The following CMTM1 variants were observed in gnomAD, a reference collection of about 807,000 sequenced individuals.
CMTM1 encodes the protein CKLF-like MARVEL transmembrane domain-containing protein 1.
Under a neutral mutation model 17.8 loss-of-function variants are expected in CMTM1, and 16 were observed. That is an observed-to-expected ratio of 0.90 (90% CI 0.61 to 1.37). CMTM1 has a LOEUF of 1.37. CMTM1 is among the 40% of genes most tolerant of loss of function. CMTM1 has a pLI of 0.00. For synonymous variants in CMTM1, 169 were observed against 154.6 expected (o/e 1.09, Z -0.69); for missense variants, 354 against 375.6 (o/e 0.94, Z 0.47).
In CMTM1 at chr16:66,579,003, G is replaced by GC; in HGVS notation, c.*4dup. 1 of 1,612,464 alleles carries GC rather than the reference G, an allele frequency of 6.2e-7. No homozygotes were observed. The highest frequency in any genetic ancestry group is 8.5e-7 in the Non-Finnish European group (1 of 1,179,680). On this transcript the variant is annotated 3_prime_UTR_variant, in exon 4 of 4. Transcript: ENST00000379500. This position sits in a 1 kb window ranked among gnomAD's most constrained non-coding sequence, Gnocchi z 6.5. ...GACGCCCCGCAGAGGCCCGCCTGAAGCCAGCCCGGCGCCCTAGCAGATGCA... is the reference window on the plus strand; with the variant it reads ...GACGCCCCGCAGAGGCCCGCCTGAAGCCCAGCCCGGCGCCCTAGCAGATGCA...
intron 2 of CMTM1, 28 bp downstream of exon 2, chr16:66,570,122 A>C: frequency 1.3e-6 from 2 of 1,563,476 alleles, no homozygotes; most frequent in African/African-American, 1.4e-5. Flanking sequence ...CAATTCTTCA[A>C]ATCCAAGCTT....
Position 66,566,694 on chromosome 16 carries a change from G to C in CMTM1, c.181G>C (p.Ala61Pro). 1.2e-6 allele frequency: 2 copies of C among 1,613,894 alleles called. No homozygotes were observed. The highest frequency in any genetic ancestry group is 1.7e-6 in the Non-Finnish European group (2 of 1,179,898). Residue 61 changes from alanine (A) to proline (P), a missense_variant, in exon 1 of 4, where the codon GCG (alanine) becomes CCG (proline). Ala to Pro is a conservative substitution (Grantham distance 27). Transcript: ENST00000379500. The surrounding 1 kb of genome is among the most constrained non-coding windows in gnomAD (Gnocchi z 4.9). ...RKHPAVSIRSAQSAAAARPQG... is the reference protein window; with the variant it reads ...RKHPAVSIRSPQSAAAARPQG... ...GCACCCCGCAGTCTCAATTCGCAGT[G>C]CGCAGTCCGCAGCCGCCGCACGTCC...
In CMTM1 at chr16:66,566,648, A is replaced by T; in HGVS notation, c.135A>T (p.Ser45=). ...SSVPKAQRNI[S]AKTAPRKHPA... Reference sequence around the variant, plus strand: ...TACCCAAGGCACAGCGCAACATCTCAGCGAAGACCGCACCCCGGAAGCACC... The same window carrying T: ...TACCCAAGGCACAGCGCAACATCTCTGCGAAGACCGCACCCCGGAAGCACC... Residue 45 remains serine, a synonymous_variant, in exon 1 of 4, where the codon TCA becomes TCT. Transcript: ENST00000379500. This position sits in a 1 kb window ranked among gnomAD's most constrained non-coding sequence, Gnocchi z 4.9. 1 of 1,609,156 alleles carries T rather than the reference A, an allele frequency of 6.2e-7. No individual in the cohort carries two copies. Among genetic ancestry groups the T allele is most frequent in the Non-Finnish European group, 8.5e-7 (1 of 1,175,658 alleles).
Position 66,573,954 on chromosome 16 carries a change from T to A in CMTM1, c.592-3150T>A, listed in dbSNP as rs529399936. The stretch of plus-strand genomic sequence containing the variant: ...CACCCACCTCAGCCTCCCAAAGTGC[T>A]GGGATTACAAGCATGAGCCACCGTG... On this transcript the variant is annotated intron_variant, in intron 2 of 3. Transcript: ENST00000379500. Among the ~76,000 whole-genome samples, 4 of 152,042 alleles carry A rather than the reference T, an allele frequency of 2.6e-5. No individual in the cohort carries two copies. The South Asian group carries it at 8.3e-4, about 32-fold the overall frequency.
intron 2 of CMTM1, among the ~76,000 whole-genome samples, chr16:66,576,390 C>T (rs557227199): frequency 1.7e-4 from 25 of 151,422 alleles, no homozygotes; most frequent in Non-Finnish European, 3.7e-4. Context: ...AAGAGCGAAA[C>T]TCTGTCTCAA....
chr16:66,572,119 A>G lies in CMTM1; in HGVS notation c.591+2025A>G, dbSNP rs12599657. Among the ~76,000 whole-genome samples the G allele has an allele frequency of 1.6e-3, 249 of 152,298 alleles. 4 individuals carry two copies. The highest frequency in any genetic ancestry group is 0.012 in the Admixed American group (191 of 15,306). On this transcript the variant is annotated intron_variant, in intron 2 of 3. Transcript: ENST00000379500. The stretch of plus-strand genomic sequence containing the variant: ...CTTTCCTGCTACTGTCCTCGAGAGC[A>G]TGGGCCAGACCTAGCACAGCACAGG...
rs765435625 is a variant in CMTM1, at chr16:66,578,879, G to A, written c.739G>A (p.Val247Ile). The A allele has an allele frequency of 1.2e-6, 2 of 1,614,202 alleles. No individual in the cohort carries two copies. The highest frequency in any genetic ancestry group is 1.7e-6 in the Non-Finnish European group (2 of 1,180,038). Residue 247 changes from valine (V) to isoleucine (I), a missense_variant, in exon 4 of 4, where the codon GTC becomes ATC. Val to Ile is a conservative substitution (Grantham distance 29, BLOSUM62 3). Transcript: ENST00000379500. ...CGTGTGTTGCATCGATGCGTTTGTG[G>A]TCACCACGAAGATGAGGACCAACTT... is the stretch of plus-strand genomic sequence containing the variant. ...VIVCCIDAFV[V>I]TTKMRTNLKR...
chr16:66,577,881 AAATT>A (rs1344288631), intron 3 of CMTM1, among the ~76,000 whole-genome samples: 4 of 152,228 alleles, frequency 2.6e-5, no homozygotes, highest in Admixed American at 6.5e-5. Flanking sequence ...ATGAGAACAG[AAATT>A]AATGCAGAAA....
chr16:66,570,246 T>C (rs559226765), intron 2 of CMTM1, 152 bp downstream of exon 2: 3 of 625,690 alleles, frequency 4.8e-6, no homozygotes, highest in Non-Finnish European at 8.0e-6. Flanking sequence ...TCCAGAAGGA[T>C]TCCTTGAACC....
At chr16:66,567,698 T>C (rs2012790845) in intron 1 of CMTM1, among the ~76,000 whole-genome samples, 1 of 152,142 alleles carries the variant, frequency 6.6e-6, no homozygotes, top group Non-Finnish European at 1.5e-5. Flanking sequence ...CCTATTAAAT[T>C]GATAAGCCAT....
chr16:66,567,621 T>C (rs536511841), intron 1 of CMTM1, among the ~76,000 whole-genome samples: 10 of 152,244 alleles, frequency 6.6e-5, no homozygotes, highest in African/African-American at 2.4e-4. Flanking sequence ...ATGAAGATAA[T>C]AGGAATTTAT....
At chr16:66,567,865 G>A (rs1221869897) in intron 1 of CMTM1, among the ~76,000 whole-genome samples, 2 of 152,140 alleles carry the variant, frequency 1.3e-5, no homozygotes. Context: ...TGATTTTCCA[G>A]AATAATGTAA....
At chr16:66,576,694 CAAAT>C (rs2084349036) in intron 2 of CMTM1, among the ~76,000 whole-genome samples, 1 of 152,064 alleles carries the variant, frequency 6.6e-6, no homozygotes, top group African/African-American at 2.4e-5. Flanking sequence ...TATATTAAAA[CAAAT>C]GAGTTATGGA....
At chr16:66,576,577 G>A (rs1363823826) in intron 2 of CMTM1, among the ~76,000 whole-genome samples, 1 of 152,158 alleles carries the variant, frequency 6.6e-6, no homozygotes, top group Non-Finnish European at 1.5e-5. Context: ...TGGGACACAT[G>A]AACTCACAGA....
In CMTM1 at chr16:66,577,091, T is replaced by C. The variant is rs200204401; in HGVS notation, c.592-13T>C. 1.2e-6 allele frequency: 2 copies of C among 1,604,852 alleles called. No homozygotes were observed. The highest frequency in any genetic ancestry group is 2.7e-5 in the African/African-American group (2 of 74,636). ...GTTGTGTAAACTTGATAATTTTCAA[T>C]TCTTTATTACAGGATCTTACCAACA... On this transcript the variant is annotated splice_polypyrimidine_tract_variant and intron_variant, in intron 2 of 3. Transcript: ENST00000379500.
At chr16:66,569,871 A>G in intron 1 of CMTM1, 65 bp from the exon 2 acceptor site, 1 of 1,236,594 alleles carries the variant, frequency 8.1e-7, no homozygotes, top group East Asian at 2.3e-5. Context: ...AATCAGATTT[A>G]CATTCTGACA....
At position 66,576,160 on chromosome 16, in the gene CMTM1, G is replaced by C. The variant is rs541282473; in HGVS notation, c.592-944G>C. Among the ~76,000 whole-genome samples the C allele has an allele frequency of 5.3e-5, 8 of 152,284 alleles. No individual in the cohort carries two copies. The East Asian group carries it at 1.4e-3, about 26-fold the overall frequency. ...GCCTATAATCCCAGCACTTTGGGAG[G>C]CCGAGGCGGGTGGATCACTTGAGGT... On this transcript the variant is annotated intron_variant, in intron 2 of 3. Coordinates refer to ENST00000379500, the MANE Select transcript of CMTM1 (RefSeq NM_052999.4).
Position 66,577,164 on chromosome 16 carries a change from CAAGAA to C in CMTM1, c.663_667del (p.Arg222AlafsTer41). ...TTCAGTAGTTGCCATCTTGGCCATG[CAAGAA>C]AAGAAAAGAAGGCATTTACTCTATG... is the stretch of plus-strand genomic sequence containing the variant. On this transcript the variant is annotated frameshift_variant, in exon 3 of 4. Coordinates refer to ENST00000379500, the MANE Select transcript of CMTM1 (RefSeq NM_052999.4). LOFTEE classifies it low-confidence loss of function (END_TRUNC). The C allele has an allele frequency of 1.2e-6, 2 of 1,613,846 alleles. No individual in the cohort carries two copies. Among genetic ancestry groups the C allele is most frequent in the African/African-American group, 1.3e-5 (1 of 75,006 alleles).
chr16:66,567,664 A>G (rs922859427), intron 1 of CMTM1, among the ~76,000 whole-genome samples: 1 of 152,238 alleles, frequency 6.6e-6, no homozygotes, highest in African/African-American at 2.4e-5. Context: ...GAATCAGTCA[A>G]TACAAGAGCT....
Sources: gnomAD v4.1 joint callset for allele counts (sites outside exome capture counted in the v4.1 genomes callset) on GRCh38, gnomAD v4.1.1 for gene constraint, Gnocchi (gnomAD v3.1) non-coding constraint, MANE v1.5 for transcripts, NCBI Gene and HGNC (gene_info 2026-07-23, HGNC 2026-07-21) for gene names.